OGDHL: variants seen among roughly 807,000 people sequenced by gnomAD.
OGDHL encodes the protein oxoglutarate dehydrogenase L.
Under a neutral mutation model 109.6 loss-of-function variants are expected in OGDHL, and 79 were observed. The ratio of observed to expected loss-of-function variants is 0.72; its 90% confidence interval spans 0.60 to 0.87. OGDHL has a LOEUF of 0.87. Ranked by LOEUF, OGDHL falls within the 40% of genes least tolerant of loss-of-function variation. The pLI is 0.00. For missense variants in OGDHL, 1,275 were observed against 1,362.2 expected, an observed-to-expected ratio of 0.94 and a Z score of 1.01; for synonymous variants, 528 against 537.2, an observed-to-expected ratio of 0.98 and a Z score of 0.24.
At chr10:49,756,466 C>T (rs944670197) in intron 3 of OGDHL, 1 of 240,944 alleles carries the variant, frequency 4.2e-6, no homozygotes, top group African/African-American at 2.2e-5. Context: ...TCTACTCACC[C>T]CTCATTCAAC....
rs941869514 is a variant in OGDHL, at chr10:49,751,768, C to T, written c.749+59G>A. 1.9e-4 allele frequency: 295 copies of T among 1,578,532 alleles called. 1 individual carries two copies. Among genetic ancestry groups the T allele is most frequent in the Middle Eastern group, 1.1e-3 (5 of 4,704 alleles). The stretch of plus-strand genomic sequence containing the variant: ...CTGCTCTCTTAGGCAGGGTGTGGGA[C>T]GTCTCATAGAGCCCTGGAGCAGGAC... On this transcript the variant is annotated intron_variant, in intron 6 of 22. Coordinates refer to ENST00000374103, the MANE Select transcript of OGDHL (RefSeq NM_018245.3).
chr10:49,737,150 C>T (rs1841258135), intron 20 of OGDHL, among the ~76,000 whole-genome samples: 1 of 152,120 alleles, frequency 6.6e-6, no homozygotes, highest in Non-Finnish European at 1.5e-5. Context: ...GGCAGGTAGC[C>T]CAGGTAGTCC....
chr10:49,744,610 G>A (rs768821535), intron 13 of OGDHL, 40 bp downstream of exon 13: 1 of 1,518,932 alleles, frequency 6.6e-7, no homozygotes, highest in Non-Finnish European at 9.1e-7. Context: ...AGACCTCAAG[G>A]CCCAGGGGAG....
intron 1 of OGDHL, 157 bp from the exon 2 acceptor site, chr10:49,758,750 C>T (rs765275032): frequency 5.3e-5 from 38 of 715,616 alleles, no homozygotes; most frequent in African/African-American, 7.5e-5. Context: ...ACTCTCCCAG[C>T]CCCCTGGGCT....
rs371421106 is a variant in OGDHL at position 49,749,804 on chromosome 10, G to A, written c.909C>T (p.Asn303=). 3.2e-5 allele frequency: 51 copies of A among 1,596,828 alleles called. No individual in the cohort carries two copies. Among genetic ancestry groups the A allele is most frequent in the South Asian group, 1.5e-4 (13 of 88,704 alleles). The change falls in exon 8 of 23, where the codon AAC becomes AAT. Residue 303 remains asparagine (N), a synonymous_variant. Coordinates refer to ENST00000374103, the MANE Select transcript of OGDHL (RefSeq NM_018245.3). ...CCTTGCGGATCACGTTGGCCAGCAC[G>A]TTCAGCCTTCCCCTGGAGCCAGAGG... ...ILGMPHRGRL[N]VLANVIRKDL... is the part of the protein sequence containing the mutation.
At position 49,744,565 on chromosome 10, in the gene OGDHL, T is replaced by C. The variant is rs914983609; in HGVS notation, c.1732+85A>G. 5.6e-6 allele frequency: 6 copies of C among 1,071,178 alleles called. No individual in the cohort carries two copies. In the East Asian group the frequency reaches 7.1e-5, roughly 13 times the overall value. The allele number at this position is 1,071,178 out of a possible 1,614,324, so 66.4% of individuals were successfully genotyped here. On this transcript the variant is annotated intron_variant, in intron 13 of 22. Coordinates refer to ENST00000374103, the MANE Select transcript of OGDHL (RefSeq NM_018245.3). The stretch of plus-strand genomic sequence containing the variant: ...CCTCTAGACTAGGCAATGACAGCTG[T>C]CACCCAGGGCCATTCCAGTCCTGAT...
At chr10:49,740,936 C>T (rs1375540302) in intron 15 of OGDHL, 99 bp from the exon 16 acceptor site, 16 of 1,482,386 alleles carry the variant, frequency 1.1e-5, no homozygotes, top group African/African-American at 6.9e-5. Context: ...GGCAAGCCTC[C>T]GTCACTGTCC....
chr10:49,752,849 C>T (rs1842696812), intron 3 of OGDHL, 109 bp from the exon 4 acceptor site: 1 of 751,626 alleles, frequency 1.3e-6, no homozygotes. Flanking sequence ...GAATGTTAAG[C>T]TTCCCCATGT....
At position 49,740,854 on chromosome 10, in the gene OGDHL, C is replaced by T. The variant is rs1293731306; in HGVS notation, c.2013-17G>A. Reference sequence around the variant, plus strand: ...TGCCGGTGACTGCAGAGACACAGACCGGGGCAGGGACAGAGGGCAGGTGGG... The same window carrying T: ...TGCCGGTGACTGCAGAGACACAGACTGGGGCAGGGACAGAGGGCAGGTGGG... On this transcript the variant is annotated splice_polypyrimidine_tract_variant and intron_variant, in intron 15 of 22. Coordinates refer to ENST00000374103, the MANE Select transcript of OGDHL (RefSeq NM_018245.3). 9.9e-6 allele frequency: 16 copies of T among 1,613,276 alleles called. No individual in the cohort carries two copies. Among genetic ancestry groups the T allele is most frequent in the Admixed American group, 1.7e-5 (1 of 59,954 alleles).
intron 15 of OGDHL, among the ~76,000 whole-genome samples, chr10:49,741,855 CCA>C (rs1447716590): frequency 5.4e-5 from 8 of 147,204 alleles, no homozygotes; most frequent in Admixed American, 1.4e-4. Flanking sequence ...ACACCAAACA[CCA>C]CACACACTAC....
intron 2 of OGDHL, 106 bp from the exon 3 acceptor site, chr10:49,757,052 A>G: frequency 8.8e-7 from 1 of 1,132,142 alleles, no homozygotes. Context: ...TGAGGACCAC[A>G]GCTCTCAGGG....
chr10:49,747,232 A>G (rs1344529608), intron 8 of OGDHL, 24 bp from the exon 9 acceptor site: 1 of 1,609,548 alleles, frequency 6.2e-7, no homozygotes, highest in East Asian at 2.2e-5. Context: ...TGGGAACATG[A>G]TGGATCCTCC....
At chr10:49,750,613 G>C (rs1043765140) in intron 7 of OGDHL, among the ~76,000 whole-genome samples, 1 of 152,196 alleles carries the variant, frequency 6.6e-6, no homozygotes, top group African/African-American at 2.4e-5. Flanking sequence ...CAGGGAGAGA[G>C]GGTGCCTGAT....
chr10:49,756,291 G>A (rs985457942), intron 3 of OGDHL, among the ~76,000 whole-genome samples: 37 of 152,206 alleles, frequency 2.4e-4, no homozygotes, highest in African/African-American at 8.7e-4. Context: ...GACAGAGCAG[G>A]GGCCCAGCAT....
chr10:49,744,499 G>T (rs776689257), intron 13 of OGDHL, 151 bp downstream of exon 13: 3 of 640,196 alleles, frequency 4.7e-6, no homozygotes, highest in Non-Finnish European at 8.2e-6. Flanking sequence ...TGCAGGAATC[G>T]GCCCCACGCA....
At chr10:49,739,936 C>T in intron 16 of OGDHL, 97 bp from the exon 17 acceptor site, 1 of 1,269,296 alleles carries the variant, frequency 7.9e-7, no homozygotes, top group East Asian at 2.5e-5. Flanking sequence ...TCCATGCCCC[C>T]ACCCATCCTT....
At chr10:49,749,603 C>G in intron 8 of OGDHL, 123 bp downstream of exon 8, 1 of 815,162 alleles carries the variant, frequency 1.2e-6, no homozygotes. Flanking sequence ...CTCCTGCAGG[C>G]TTCTCCAATG....
At position 49,758,471 on chromosome 10, in the gene OGDHL, G is replaced by A; in HGVS notation, c.122C>T (p.Pro41Leu). Reference protein sequence around the residue: ...SRSSGPPATFPSSKGGGGSSY... With the variant: ...SRSSGPPATFLSSKGGGGSSY... Reference sequence around the variant, plus strand: ...GGAGCCGCCTCCACCTTTGCTGCTTGGGAAGGTGGCCGGTGGCCCGGAGGA... The same window carrying A: ...GGAGCCGCCTCCACCTTTGCTGCTTAGGAAGGTGGCCGGTGGCCCGGAGGA... Residue 41 changes from proline (P) to leucine (L), a missense_variant, in exon 2 of 23, where the codon CCA becomes CTA. Coordinates refer to ENST00000374103, the MANE Select transcript of OGDHL (RefSeq NM_018245.3). 1 of 1,613,950 alleles carries A rather than the reference G, an allele frequency of 6.2e-7. No individual in the cohort carries two copies. Among genetic ancestry groups the A allele is most frequent in the Middle Eastern group, 1.6e-4 (1 of 6,062 alleles).
chr10:49,750,782 C>A, intron 7 of OGDHL, 57 bp downstream of exon 7: 2 of 1,532,482 alleles, frequency 1.3e-6, no homozygotes, highest in South Asian at 2.5e-5. Flanking sequence ...ATCTCTCCCA[C>A]CTCTGTCCCC....
Sources: allele counts gnomAD v4.1 joint callset (sites outside exome capture counted in the v4.1 genomes callset), GRCh38; gene constraint gnomAD v4.1.1; transcripts MANE v1.5; gene names NCBI Gene and HGNC (gene_info 2026-07-23, HGNC 2026-07-21).